The following AFF2 variants were observed in gnomAD, a reference collection of about 807,000 sequenced individuals.
AFF2 encodes the protein ALF transcription elongation factor 2.
AFF2 carries 14 observed loss-of-function variants against 76.9 expected under a neutral mutation model. The ratio of observed to expected loss-of-function variants is 0.18; its 90% CI spans 0.12 to 0.28. The LOEUF is 0.28. AFF2 is among the 10% of genes least tolerant of loss of function. The pLI, the probability that AFF2 is intolerant of heterozygous loss-of-function variation, is 1.00. For synonymous variants in AFF2, 398 were observed against 366.7 expected (o/e 1.09, Z -0.98); for missense variants, 868 against 1,001.1 (o/e 0.87, Z 1.79).
At chrX:148,826,346 C>T (rs782300000) in intron 4 of AFF2, among the ~76,000 whole-genome samples, 2 of 108,154 alleles carry the variant, frequency 1.8e-5, no homozygotes, top group Non-Finnish European at 3.8e-5. Flanking sequence ...ATAAAAGAAA[C>T]TTTTATAATA....
At chrX:148,799,206 G>A (rs1557270755) in intron 3 of AFF2, among the ~76,000 whole-genome samples, 1 of 111,936 alleles carries the variant, frequency 8.9e-6, no homozygotes, top group African/African-American at 3.2e-5. Flanking sequence ...GGTGCATTTT[G>A]GAAGAGGCTG....
At chrX:148,935,740 A>C in intron 9 of AFF2, among the ~76,000 whole-genome samples, 1 of 111,986 alleles carries the variant, frequency 8.9e-6, no homozygotes, top group Middle Eastern at 4.6e-3. Flanking sequence ...TGTGTTTTTT[A>C]TAAGAATGAT....
At chrX:148,902,328 G>A (rs1340363711) in intron 8 of AFF2, among the ~76,000 whole-genome samples, 1 of 112,075 alleles carries the variant, frequency 8.9e-6, no homozygotes, top group African/African-American at 3.2e-5. Flanking sequence ...CCATTACTTT[G>A]TGATAACCTA....
At chrX:148,822,567 A>G (rs2070341359) in intron 4 of AFF2, 2 of 111,351 alleles carry the variant, frequency 1.8e-5, no homozygotes, top group South Asian at 3.9e-4. Context: ...ACAGGGCCCC[A>G]TATGCTACTA....
intron 3 of AFF2, among the ~76,000 whole-genome samples, chrX:148,717,437 T>C (rs782799892): frequency 1.8e-5 from 2 of 111,935 alleles, no homozygotes; most frequent in South Asian, 3.7e-4. Flanking sequence ...ATATGTAGAG[T>C]CTCTCCTTTT....
At chrX:148,811,310 A>G (rs1320192222) in intron 4 of AFF2, among the ~76,000 whole-genome samples, 1 of 111,152 alleles carries the variant, frequency 9.0e-6, no homozygotes, top group African/African-American at 3.3e-5. Flanking sequence ...CCTGGTGTTA[A>G]AAAGGTTGGG....
At chrX:148,810,591 ATGAGCTCC>A (rs2070191233) in intron 4 of AFF2, among the ~76,000 whole-genome samples, 1 of 112,195 alleles carries the variant, frequency 8.9e-6, no homozygotes, top group African/African-American at 3.2e-5. Context: ...AGTCATGGTA[ATGAGCTCC>A]TGAGCTCCTG....
chrX:148,799,303 C>A (rs1171430066), intron 3 of AFF2, among the ~76,000 whole-genome samples: 1 of 111,433 alleles, frequency 9.0e-6, no homozygotes, highest in Non-Finnish European at 1.9e-5. Context: ...TATTTATAAT[C>A]AAACAAAATG....
chrX:148,998,801 G>C lies in AFF2; in HGVS notation c.*7469G>C, dbSNP rs190676602. 1 of 108,824 alleles carries C rather than the reference G, an allele frequency of 9.2e-6. No homozygotes were observed. Among genetic ancestry groups the C allele is most frequent in the East Asian group, 2.9e-4 (1 of 3,471 alleles). The allele number at this position is 108,824 out of a possible 1,213,427, so 9.0% of individuals were successfully genotyped here. On this transcript the variant is annotated 3_prime_UTR_variant, in exon 21 of 21. Coordinates refer to ENST00000370460, the MANE Select transcript of AFF2 (RefSeq NM_002025.4). ...TTCCTTTTCCATTATTTTTCGATGG[G>C]GGGGTTGTTATCATTGACTGAAGAA...
rs369701417 is a variant in AFF2 at position 148,928,547 on chromosome X, C to T, written c.1397+24289C>T. 7.5e-4 allele frequency among the ~76,000 whole-genome samples: 84 copies of T among 112,587 alleles called. No homozygotes were observed. In the South Asian group the frequency reaches 0.018, roughly 24 times the overall value. On this transcript the variant is annotated intron_variant, in intron 9 of 20. Transcript: ENST00000370460. ...TCAGCAACAAATTTGGGAGTCATCC[C>T]GGGATGCTTCATTTACACATTTCAA...
At chrX:148,674,393 G>A (rs1557259312) in intron 3 of AFF2, among the ~76,000 whole-genome samples, 1 of 111,534 alleles carries the variant, frequency 9.0e-6, no homozygotes. Flanking sequence ...ACAGGAAGAT[G>A]GTTTTTAGAA....
chrX:148,873,936 A>G (rs2071006926), intron 7 of AFF2, among the ~76,000 whole-genome samples: 1 of 111,967 alleles, frequency 8.9e-6, no homozygotes, highest in African/African-American at 3.2e-5. Context: ...TAGATATTAA[A>G]TACTAAGTCT....
chrX:148,854,693 G>A (rs377032768), intron 7 of AFF2, among the ~76,000 whole-genome samples: 52 of 111,475 alleles, frequency 4.7e-4, no homozygotes, highest in African/African-American at 1.7e-3. Context: ...CCCAGAGCCA[G>A]GGAAATGAAA....
chrX:148,594,525 T>C (rs369942868), intron 1 of AFF2, among the ~76,000 whole-genome samples: 60 of 111,146 alleles, frequency 5.4e-4, no homozygotes, highest in African/African-American at 1.9e-3. Flanking sequence ...TTTTTTTTTT[T>C]TAAAGAAACT....
intron 13 of AFF2, among the ~76,000 whole-genome samples, chrX:148,963,167 C>T (rs1429019652): frequency 3.6e-5 from 4 of 111,948 alleles, no homozygotes; most frequent in African/African-American, 6.5e-5. Flanking sequence ...GTTATTATGA[C>T]AATGATAATG....
intron 3 of AFF2, among the ~76,000 whole-genome samples, chrX:148,722,491 G>A (rs2055106519): frequency 9.1e-6 from 1 of 110,124 alleles, no homozygotes; most frequent in Non-Finnish European, 1.9e-5. Context: ...TCATCTTCAT[G>A]TGAGATGTCC....
At chrX:148,601,837 C>T (rs1402652080) in intron 1 of AFF2, among the ~76,000 whole-genome samples, 2 of 111,987 alleles carry the variant, frequency 1.8e-5, no homozygotes, top group Non-Finnish European at 3.8e-5. Context: ...AATCCTATGT[C>T]TCCATTCAAT....
intron 1 of AFF2, among the ~76,000 whole-genome samples, chrX:148,505,317 C>G (rs1557232360): frequency 8.9e-6 from 1 of 111,868 alleles, no homozygotes; most frequent in African/African-American, 3.3e-5. Flanking sequence ...ATCTATTGGA[C>G]ACGGAAGAAA....
chrX:148,766,824 T>G (rs926116353), intron 3 of AFF2, among the ~76,000 whole-genome samples: 1 of 111,997 alleles, frequency 8.9e-6, no homozygotes, highest in Non-Finnish European at 1.9e-5. Flanking sequence ...ATTGTCAGAT[T>G]TCTTGTTGAT....
Sources: allele counts gnomAD v4.1 joint callset (sites outside exome capture counted in the v4.1 genomes callset), GRCh38; gene constraint gnomAD v4.1.1; transcripts MANE v1.5; gene names NCBI Gene and HGNC (gene_info 2026-07-23, HGNC 2026-07-21).